The following ANO4 variants were observed in gnomAD, a reference collection of about 807,000 sequenced individuals.
ANO4 encodes anoctamin-4.
In ANO4, 69 loss-of-function variants were observed where a neutral mutation model predicts 141.9. The observed-to-expected ratio is 0.49, with a 90% CI of 0.40 to 0.59. The LOEUF is 0.59. Among genes scored for constraint, ANO4 ranks in the 20% least tolerant of loss-of-function variants. The pLI, the probability that ANO4 is intolerant of heterozygous loss-of-function variation, is 0.00. For synonymous variants in ANO4, 350 were observed against 394.3 expected (o/e 0.89, Z 1.33); for missense variants, 894 against 1,162.2 (o/e 0.77, Z 3.36).
chr12:101,086,679 C>T lies in ANO4; in HGVS notation c.1556C>T (p.Ala519Val). Residue 519 changes from alanine to valine, a missense_variant, in exon 17 of 28, where the codon GCC becomes GTC. Ala to Val is a moderately conservative substitution (Grantham distance 64). Around this residue, in one of 2 missense-constraint regions of ANO4, gnomAD observed 637 missense variants for 909.2 expected, o/e 0.70. Transcript: ENST00000392977. ...IFFMICVVIA[A>V]VFGIVIYRVV... is the part of the protein sequence containing the mutation. Reference sequence around the variant, plus strand: ...TGCCAGATCTGCGTGGTGATTGCTGCCGTGTTCGGGATCGTCATTTACCGG... The same window carrying T: ...TGCCAGATCTGCGTGGTGATTGCTGTCGTGTTCGGGATCGTCATTTACCGG... The T allele has an allele frequency of 6.2e-7, 1 of 1,613,678 alleles. No homozygotes were observed. Among genetic ancestry groups the T allele is most frequent in the South Asian group, 1.1e-5 (1 of 91,068 alleles).
At chr12:100,876,240 G>A (rs2039294814) in intron 1 of ANO4, among the ~76,000 whole-genome samples, 1 of 112,360 alleles carries the variant, frequency 8.9e-6, no homozygotes, top group South Asian at 2.9e-4. Flanking sequence ...AACCTTTTGA[G>A]AAGAAAGAGA....
intron 2 of ANO4, among the ~76,000 whole-genome samples, chr12:100,735,855 T>C (rs1347001963): frequency 6.6e-6 from 1 of 152,072 alleles, no homozygotes; most frequent in Non-Finnish European, 1.5e-5. Context: ...ATTAGAAATA[T>C]GGAGAACATG....
intron 3 of ANO4, among the ~76,000 whole-genome samples, chr12:100,768,459 G>A (rs542547225): frequency 1.3e-5 from 2 of 152,052 alleles, no homozygotes; most frequent in African/African-American, 4.8e-5. Flanking sequence ...TGTTTCTTTG[G>A]GGGGACCAGC....
chr12:101,014,942 G>A (rs2046252779), intron 8 of ANO4, among the ~76,000 whole-genome samples: 2 of 151,836 alleles, frequency 1.3e-5, no homozygotes, highest in South Asian at 4.1e-4. Context: ...GGATTGCCCT[G>A]CCTCAGCCTC....
chr12:100,829,019 T>TA lies in ANO4; in HGVS notation c.-141+34006dup, dbSNP rs34068673. ...TGGGCAACAGAGTGAGACTCTGTCTTAAAAAAAAAAAAAAGCTTAATTTAA... is the reference window on the plus strand; with the variant it reads ...TGGGCAACAGAGTGAGACTCTGTCTTAAAAAAAAAAAAAAAGCTTAATTTAA... On this transcript the variant is annotated intron_variant, in intron 1 of 27. Transcript: ENST00000392977. Among the ~76,000 whole-genome samples the TA allele has an allele frequency of 4.5e-3, 657 of 147,052 alleles. 8 individuals carry two copies. The highest frequency in any genetic ancestry group is 0.014 in the African/African-American group (569 of 39,918).
chr12:101,014,737 C>G (rs1407261331), intron 8 of ANO4, among the ~76,000 whole-genome samples: 1 of 152,206 alleles, frequency 6.6e-6, no homozygotes, highest in African/African-American at 2.4e-5. Context: ...TACACCCATT[C>G]AGCAGTTTAT....
At chr12:101,040,963 T>C (rs952851253) in intron 11 of ANO4, among the ~76,000 whole-genome samples, 2 of 152,170 alleles carry the variant, frequency 1.3e-5, no homozygotes, top group African/African-American at 4.8e-5. Flanking sequence ...TAGTATCCCA[T>C]GGTGTATGTG....
chr12:101,070,182 G>A (rs190787136), intron 14 of ANO4, among the ~76,000 whole-genome samples: 9 of 152,140 alleles, frequency 5.9e-5, no homozygotes, highest in African/African-American at 1.9e-4. Flanking sequence ...AATTTATGTG[G>A]AATCACAAAA....
chr12:101,044,836 G>A (rs751314138), intron 13 of ANO4, among the ~76,000 whole-genome samples: 5 of 152,190 alleles, frequency 3.3e-5, no homozygotes, highest in Non-Finnish European at 5.9e-5. Flanking sequence ...ATAGACCTGA[G>A]TGGATAAGGA....
chr12:101,097,362 AC>A, intron 19 of ANO4, among the ~76,000 whole-genome samples: 1 of 152,204 alleles, frequency 6.6e-6, no homozygotes, highest in Non-Finnish European at 1.5e-5. Flanking sequence ...ACTTCTGCTT[AC>A]ACAGGTCAGA....
chr12:100,855,541 A>G (rs534108306), intron 1 of ANO4, among the ~76,000 whole-genome samples: 7 of 152,232 alleles, frequency 4.6e-5, no homozygotes, highest in Middle Eastern at 3.4e-3. Flanking sequence ...TAATGGCTCT[A>G]TGATAGCCTC....
chr12:100,929,250 C>A (rs1278362495), intron 3 of ANO4, among the ~76,000 whole-genome samples: 1 of 152,024 alleles, frequency 6.6e-6, no homozygotes, highest in East Asian at 1.9e-4. Flanking sequence ...CATTAACCAT[C>A]CCCACCTCCC....
intron 1 of ANO4, among the ~76,000 whole-genome samples, chr12:100,812,113 T>C (rs997265076): frequency 6.6e-6 from 1 of 152,162 alleles, no homozygotes; most frequent in African/African-American, 2.4e-5. Context: ...CATGAATCGT[T>C]CTTATTTTCC....
At chr12:101,024,909 TC>T (rs1266681367) in intron 9 of ANO4, among the ~76,000 whole-genome samples, 2 of 152,208 alleles carry the variant, frequency 1.3e-5, no homozygotes, top group Non-Finnish European at 2.9e-5. Flanking sequence ...TATTGATTGA[TC>T]CTCCATCAAT....
At chr12:101,116,879 G>T in intron 25 of ANO4, 81 bp downstream of exon 25, 1 of 1,578,730 alleles carries the variant, frequency 6.3e-7, no homozygotes, top group South Asian at 1.1e-5. Context: ...GGCCCCTTCT[G>T]GCTGAGTGTG....
At chr12:100,784,494 T>C (rs1427420152) in intron 3 of ANO4, among the ~76,000 whole-genome samples, 2 of 152,220 alleles carry the variant, frequency 1.3e-5, no homozygotes, top group Non-Finnish European at 2.9e-5. Flanking sequence ...CTCTCTCTTA[T>C]TGTTGTAATT....
chr12:100,721,543 A>T (rs1021094565), intron 1 of ANO4, among the ~76,000 whole-genome samples: 17 of 152,306 alleles, frequency 1.1e-4, no homozygotes, highest in South Asian at 2.1e-4. Flanking sequence ...TGGTGCTGGT[A>T]GGTGGAACAT....
chr12:101,053,846 T>C (rs1156894089), intron 14 of ANO4, among the ~76,000 whole-genome samples: 1 of 152,198 alleles, frequency 6.6e-6, no homozygotes, highest in Non-Finnish European at 1.5e-5. Context: ...CACAGACCAC[T>C]TGAGCTACAA....
At chr12:101,005,285 A>T (rs1291693175) in intron 8 of ANO4, among the ~76,000 whole-genome samples, 1 of 152,168 alleles carries the variant, frequency 6.6e-6, no homozygotes, top group East Asian at 1.9e-4. Flanking sequence ...ATATTTCCAG[A>T]CTTGTTTTAT....
Sources: allele counts gnomAD v4.1 joint callset (sites outside exome capture counted in the v4.1 genomes callset), GRCh38; gene constraint gnomAD v4.1.1; regional missense constraint gnomAD v4.1.1; transcripts MANE v1.5; gene names NCBI Gene and HGNC (gene_info 2026-07-23, HGNC 2026-07-21).